Variants in ZNF334 observed in about 807,000 individuals in gnomAD.
The protein encoded by ZNF334 is zinc finger protein 334.
In ZNF334, 14 loss-of-function variants were observed where a neutral mutation model predicts 12.4. The observed-to-expected ratio is 1.13, with a 90% CI of 0.74 to 1.76. The LOEUF (loss-of-function observed/expected upper bound fraction) is 1.76, where lower values mean the gene tolerates loss of function less well. Ranked by LOEUF, ZNF334 falls within the 40% of genes most tolerant of loss-of-function variation. The pLI is 0.00. For synonymous variants in ZNF334, 273 were observed against 269.6 expected (o/e 1.01, Z -0.12); for missense variants, 797 against 804.5 (o/e 0.99, Z 0.11).
chr20:46,462,473 G>C, the ZNF334 span, among the ~76,000 whole-genome samples: 1 of 152,160 alleles, frequency 6.6e-6, no homozygotes, highest in Admixed American at 6.5e-5. Flanking sequence ...TGAAAGATCA[G>C]AAGTGGAATT....
chr20:46,477,269 C>G, the ZNF334 span: 1 of 151,846 alleles, frequency 6.6e-6, no homozygotes, highest in Non-Finnish European at 1.5e-5. Flanking sequence ...GAGGAAGGCA[C>G]CTTTTTAGGA....
At chr20:46,472,868 T>C in the ZNF334 span, among the ~76,000 whole-genome samples, 1 of 152,172 alleles carries the variant, frequency 6.6e-6, no homozygotes, top group South Asian at 2.1e-4. Flanking sequence ...CAGAGTTGTG[T>C]CAGTGAAATC....
chr20:46,502,860 T>C lies in ZNF334; in HGVS notation c.479A>G (p.Lys160Arg), dbSNP rs150000987. The C allele has an allele frequency of 2.7e-5, 43 of 1,613,626 alleles. No homozygotes were observed. The African/African-American group carries it at 4.9e-4, about 19-fold the overall frequency. Residue 160 changes from lysine (K) to arginine (R), a missense_variant, in exon 5 of 5, where the codon AAG becomes AGG. Transcript: ENST00000692313. ...IVAKKSKENR[K>R]IPDGYSGFGK... The stretch of plus-strand genomic sequence containing the variant: ...AAATCCACTGTATCCATCAGGAATC[T>C]TTCTGTTTTCTTTGCTTTTCTTTGC...
the ZNF334 span, chr20:46,492,049 G>A: frequency 6.6e-6 from 1 of 152,496 alleles, no homozygotes; most frequent in Non-Finnish European, 1.5e-5. Context: ...CTCGACATCA[G>A]AGAACTCACA....
the ZNF334 span, among the ~76,000 whole-genome samples, chr20:46,487,395 T>C: frequency 2.6e-5 from 4 of 152,222 alleles, no homozygotes; most frequent in Non-Finnish European, 5.9e-5. Flanking sequence ...ATCAGTACTA[T>C]ACATCTATAG....
Position 46,501,761 on chromosome 20 carries a change from G to A in ZNF334, c.1578C>T (p.Val526=), listed in dbSNP as rs1381171562. ...GTACAATGAGGTGTGAGTTTTTGCT[G>A]ACGGCATGCCCATGTTCACTACACT... ...LYECSEHGHA[V]SKNSHLIVHQ... The change falls in exon 5 of 5, where the codon GTC becomes GTT. Residue 526 remains valine, a synonymous_variant. Transcript: ENST00000692313. 6.2e-7 allele frequency: 1 copy of A among 1,614,112 alleles called. No homozygotes were observed. The highest frequency in any genetic ancestry group is 1.3e-5 in the African/African-American group (1 of 75,024).
At chr20:46,507,100 C>T (rs1041645316) in intron 2 of ZNF334, among the ~76,000 whole-genome samples, 1 of 150,026 alleles carries the variant, frequency 6.7e-6, no homozygotes, top group Non-Finnish European at 1.5e-5. Flanking sequence ...GGTAACAGAG[C>T]AAAACCCAGT....
chr20:46,481,413 A>C, the ZNF334 span: 1 of 152,252 alleles, frequency 6.6e-6, no homozygotes, highest in Admixed American at 6.5e-5. Flanking sequence ...AAACTGCTCA[A>C]CGACTGACCC....
chr20:46,508,519 C>T (rs2061520589), intron 2 of ZNF334, among the ~76,000 whole-genome samples: 1 of 152,204 alleles, frequency 6.6e-6, no homozygotes, highest in Non-Finnish European at 1.5e-5. Flanking sequence ...ACAGTAGAAA[C>T]ACGGTTAAAA....
In ZNF334 at chr20:46,501,137, T is replaced by A. The variant is rs1453809531; in HGVS notation, c.*159A>T. ...TTAAACAAATTATTTCTTTCCTACA[T>A]GATTTCTCTGATGTTACATTGAGGG... On this transcript the variant is annotated 3_prime_UTR_variant, in exon 5 of 5. Transcript: ENST00000692313. The A allele has an allele frequency of 1.3e-6, 1 of 754,234 alleles. No individual in the cohort carries two copies. Among genetic ancestry groups the A allele is most frequent in the Non-Finnish European group, 2.1e-6 (1 of 486,644 alleles). 46.7% of individuals were successfully genotyped at this position (754,234 alleles called of 1,614,324 possible). A position where few individuals can be genotyped will look rare whatever the true frequency, so the allele number is the denominator to read the frequency against.
the ZNF334 span, among the ~76,000 whole-genome samples, chr20:46,489,182 T>C: frequency 6.6e-6 from 1 of 152,082 alleles, no homozygotes; most frequent in Non-Finnish European, 1.5e-5. Flanking sequence ...ACCAACATGA[T>C]GAAGTTGGTA....
At position 46,502,803 on chromosome 20, in the gene ZNF334, T is replaced by C. The variant is rs1487142514; in HGVS notation, c.536A>G (p.Lys179Arg). 1 of 1,613,968 alleles carries C rather than the reference T, an allele frequency of 6.2e-7. No individual in the cohort carries two copies. ...CCTCATTGGATTGTATCTGTATTTT[T>C]TCATTCCCAAATGACTTTTCTCATG... ...GKHEKSHLGMKKYRYNPMRKA... is the reference protein window; with the variant it reads ...GKHEKSHLGMRKYRYNPMRKA... The change falls in exon 5 of 5, where the codon AAA becomes AGA. Residue 179 changes from lysine to arginine, a missense_variant. Lys to Arg is a conservative substitution (Grantham distance 26, BLOSUM62 2). Coordinates refer to ENST00000692313, the MANE Select transcript of ZNF334 (RefSeq NM_001353824.2).
At chr20:46,482,640 C>CT in the ZNF334 span, among the ~76,000 whole-genome samples, 1 of 152,004 alleles carries the variant, frequency 6.6e-6, no homozygotes, top group Non-Finnish European at 1.5e-5. Context: ...CACAATAGAT[C>CT]TTTTTTTATA....
At chr20:46,510,609 C>T (rs1285463711) in intron 2 of ZNF334, among the ~76,000 whole-genome samples, 3 of 151,524 alleles carry the variant, frequency 2.0e-5, no homozygotes, top group Non-Finnish European at 2.9e-5. Flanking sequence ...GCCTGTAGTC[C>T]CAGCTACTCG....
the ZNF334 span, chr20:46,481,434 A>G: frequency 6.6e-6 from 1 of 152,224 alleles, no homozygotes; most frequent in Non-Finnish European, 1.5e-5. Context: ...AAGATTTAGG[A>G]TTCATTCAAC....
At chr20:46,509,710 G>C (rs1006754969) in intron 2 of ZNF334, 7 of 702,344 alleles carry the variant, frequency 1.0e-5, no homozygotes, top group African/African-American at 7.0e-5. Context: ...GGCCCCTCAG[G>C]AAGCTGGTAC....
rs2061157169 is a variant in ZNF334, at chr20:46,501,414, G to A, written c.1925C>T (p.Thr642Ile). 1 of 1,614,108 alleles carries A rather than the reference G, an allele frequency of 6.2e-7. No individual in the cohort carries two copies. Among genetic ancestry groups the A allele is most frequent in the Non-Finnish European group, 8.5e-7 (1 of 1,180,010 alleles). ...GTGTATTTTCTGATGTTCAGTGAGA[G>A]TCCACAGGCGACGGTAGGTTTTCCC... is the stretch of plus-strand genomic sequence containing the variant. ...QCGKTYRRLW[T>I]LTEHQKIHTG... Residue 642 changes from threonine (T) to isoleucine (I), a missense_variant, in exon 5 of 5, where the codon ACT becomes ATT. By Grantham distance (89) the Thr-to-Ile change is moderately conservative. Coordinates refer to ENST00000692313, the MANE Select transcript of ZNF334 (RefSeq NM_001353824.2).
chr20:46,504,132 A>T, intron 4 of ZNF334, 82 bp downstream of exon 4: 1 of 952,594 alleles, frequency 1.0e-6, no homozygotes, highest in Non-Finnish European at 1.6e-6. Flanking sequence ...CATGAAAAAC[A>T]TTACGATGCC....
chr20:46,501,065 G>A lies in ZNF334; in HGVS notation c.*231C>T. 1 of 489,114 alleles carries A rather than the reference G, an allele frequency of 2.0e-6. No homozygotes were observed. The highest frequency in any genetic ancestry group is 3.5e-5 in the South Asian group (1 of 28,940). 30.3% of individuals were successfully genotyped at this position (489,114 alleles called of 1,614,324 possible). Reference sequence around the variant, plus strand: ...GGGAGGCACATTTGGCATAACCTTTGAATTGCTGTTGAATATTTTCATAGT... The same window carrying A: ...GGGAGGCACATTTGGCATAACCTTTAAATTGCTGTTGAATATTTTCATAGT... On this transcript the variant is annotated 3_prime_UTR_variant, in exon 5 of 5. Coordinates refer to ENST00000692313, the MANE Select transcript of ZNF334 (RefSeq NM_001353824.2).
Sources: allele counts gnomAD v4.1 joint callset (sites outside exome capture counted in the v4.1 genomes callset), GRCh38; gene constraint gnomAD v4.1.1; transcripts MANE v1.5; gene names NCBI Gene and HGNC (gene_info 2026-07-23, HGNC 2026-07-21).